The following EPHA6 variants were observed in gnomAD, a reference collection of about 807,000 sequenced individuals.
EPHA6 encodes EPH receptor A6.
EPHA6 carries 50 observed loss-of-function variants against 112.0 expected under a neutral mutation model. That is an observed-to-expected ratio of 0.45 (90% CI 0.36 to 0.56). The LOEUF (loss-of-function observed/expected upper bound fraction) is 0.56, where lower values mean the gene tolerates loss of function less well. EPHA6 is among the 20% of genes least tolerant of loss of function. EPHA6 has a pLI of 0.00. For missense variants in EPHA6, 1,280 were observed against 1,417.4 expected, an observed-to-expected ratio of 0.90 and a Z score of 1.56; for synonymous variants, 529 against 490.7, an observed-to-expected ratio of 1.08 and a Z score of -1.03.
intron 5 of EPHA6, among the ~76,000 whole-genome samples, chr3:97,365,540 C>A (rs1047540277): frequency 9.2e-5 from 14 of 152,134 alleles, no homozygotes; most frequent in African/African-American, 3.4e-4. Context: ...CGCCACCACA[C>A]CCAGCTAATT....
At chr3:97,267,387 G>A (rs1361918126) in intron 5 of EPHA6, among the ~76,000 whole-genome samples, 1 of 151,908 alleles carries the variant, frequency 6.6e-6, no homozygotes, top group Non-Finnish European at 1.5e-5. Context: ...CTTTCATAAT[G>A]CTTGTCAGAG....
At chr3:97,495,045 C>A (rs1006230457) in intron 10 of EPHA6, among the ~76,000 whole-genome samples, 1 of 152,108 alleles carries the variant, frequency 6.6e-6, no homozygotes, top group African/African-American at 2.4e-5. Context: ...ACGTTTCCTG[C>A]TGTGCCTCGA....
At chr3:96,825,581 T>A (rs959261924) in intron 1 of EPHA6, among the ~76,000 whole-genome samples, 1 of 151,928 alleles carries the variant, frequency 6.6e-6, no homozygotes, top group Non-Finnish European at 1.5e-5. Flanking sequence ...TTGGAATTGC[T>A]GGTGTTCTTT....
chr3:97,206,057 A>G (rs1000968810), intron 3 of EPHA6, among the ~76,000 whole-genome samples: 6 of 152,094 alleles, frequency 3.9e-5, no homozygotes, highest in African/African-American at 1.4e-4. Context: ...ATTATTAAGA[A>G]TATTAAATAT....
chr3:96,936,437 AT>A (rs2040585930), intron 2 of EPHA6, among the ~76,000 whole-genome samples: 1 of 152,034 alleles, frequency 6.6e-6, no homozygotes, highest in African/African-American at 2.4e-5. Flanking sequence ...ATGATAGAGT[AT>A]GAAGTTAAAT....
At position 97,747,558 on chromosome 3, in the gene EPHA6, A is replaced by C. The variant is rs1426673808; in HGVS notation, c.3264A>C (p.Ser1088=). The C allele has an allele frequency of 6.2e-7, 1 of 1,606,484 alleles. No homozygotes were observed. The highest frequency in any genetic ancestry group is 8.5e-7 in the Non-Finnish European group (1 of 1,176,476). Residue 1088 remains serine (S), a synonymous_variant, in exon 17 of 18, where the codon TCA becomes TCC. Transcript: ENST00000389672. ...AAGFTTFDLI[S]RMSIDDIRRI... ...GGTTTACAACATTTGACCTGATTTC[A>C]AGAATGAGCATTGAGTAAGTGATAC...
chr3:97,714,978 C>T (rs1326467246), intron 14 of EPHA6, among the ~76,000 whole-genome samples: 1 of 152,218 alleles, frequency 6.6e-6, no homozygotes, highest in African/African-American at 2.4e-5. Flanking sequence ...AAAAGTCAAA[C>T]CTTGGTTTCA....
intron 3 of EPHA6, among the ~76,000 whole-genome samples, chr3:97,145,066 T>G (rs1229883429): frequency 6.6e-6 from 1 of 151,540 alleles, no homozygotes; most frequent in Admixed American, 6.6e-5. Flanking sequence ...GTATTTAAAC[T>G]CTTTGCATAT....
chr3:97,141,516 C>A (rs1056428891), intron 3 of EPHA6, among the ~76,000 whole-genome samples: 3 of 151,924 alleles, frequency 2.0e-5, no homozygotes, highest in Non-Finnish European at 4.4e-5. Context: ...TAAAATTAGA[C>A]GTCAGTGCAC....
intron 10 of EPHA6, among the ~76,000 whole-genome samples, chr3:97,530,394 G>T (rs767189332): frequency 1.3e-5 from 2 of 151,836 alleles, no homozygotes; most frequent in Admixed American, 1.3e-4. Context: ...ATAACTTAGC[G>T]CAGATACCAT....
Position 97,701,965 on chromosome 3 carries a change from A to G in EPHA6, c.2785-18296A>G, listed in dbSNP as rs539412179. On this transcript the variant is annotated intron_variant, in intron 14 of 17. Coordinates refer to ENST00000389672, the MANE Select transcript of EPHA6 (RefSeq NM_001080448.3). ...CATTTAAATGTTCTCAAAGGTGGCC[A>G]TTCCTGACAACTGGCAAGAGTATCC... Among the ~76,000 whole-genome samples, 11 of 152,288 alleles carry G rather than the reference A, an allele frequency of 7.2e-5. No individual in the cohort carries two copies. The East Asian group carries it at 2.1e-3, about 29-fold the overall frequency.
intron 2 of EPHA6, among the ~76,000 whole-genome samples, chr3:96,927,809 T>C (rs897525358): frequency 3.5e-4 from 54 of 152,180 alleles, no homozygotes; most frequent in African/African-American, 1.3e-3. Context: ...CGGGTACCAA[T>C]TTCCTGTATT....
At chr3:97,238,383 G>A (rs1297381569) in intron 4 of EPHA6, among the ~76,000 whole-genome samples, 1 of 151,944 alleles carries the variant, frequency 6.6e-6, no homozygotes, top group African/African-American at 2.4e-5. Flanking sequence ...GTCAAAATTT[G>A]TACTATGTGC....
chr3:97,086,856 AT>A (rs1369820442), intron 3 of EPHA6, among the ~76,000 whole-genome samples: 2 of 152,108 alleles, frequency 1.3e-5, no homozygotes, highest in Non-Finnish European at 2.9e-5. Flanking sequence ...TAATTTATAG[AT>A]TTTTTAAAAG....
At chr3:97,474,071 G>A (rs1041971760) in intron 7 of EPHA6, among the ~76,000 whole-genome samples, 1 of 151,726 alleles carries the variant, frequency 6.6e-6, no homozygotes, top group Non-Finnish European at 1.5e-5. Flanking sequence ...TGACAATAGT[G>A]TTGAAGGCTT....
chr3:97,180,382 A>G (rs981291500), intron 3 of EPHA6, among the ~76,000 whole-genome samples: 7 of 152,076 alleles, frequency 4.6e-5, no homozygotes, highest in African/African-American at 1.7e-4. Flanking sequence ...ATACCCTGCC[A>G]TGGTCATGCT....
chr3:97,532,570 T>C (rs373326878), intron 11 of EPHA6, 27 bp downstream of exon 11: 14 of 1,561,156 alleles, frequency 9.0e-6, no homozygotes, highest in South Asian at 1.2e-5. Context: ...CTTCATTACT[T>C]CTTTCACACA....
intron 10 of EPHA6, among the ~76,000 whole-genome samples, chr3:97,517,566 T>A (rs2092467283): frequency 6.6e-6 from 1 of 152,118 alleles, no homozygotes; most frequent in South Asian, 2.1e-4. Flanking sequence ...ATTAAAAAAT[T>A]TGTTACTTCA....
chr3:97,162,818 T>G (rs190271868), intron 3 of EPHA6, among the ~76,000 whole-genome samples: 1 of 152,292 alleles, frequency 6.6e-6, no homozygotes, highest in African/African-American at 2.4e-5. Context: ...TTGACTTCTG[T>G]TCACTTGACT....
Sources: allele counts gnomAD v4.1 joint callset (sites outside exome capture counted in the v4.1 genomes callset), GRCh38; gene constraint gnomAD v4.1.1; transcripts MANE v1.5; gene names NCBI Gene and HGNC (gene_info 2026-07-23, HGNC 2026-07-21).